TNFAIP8: variants seen among roughly 807,000 people sequenced by gnomAD.
The protein encoded by TNFAIP8 is TNF alpha induced protein 8.
Under a neutral mutation model 13.3 loss-of-function variants are expected in TNFAIP8, and 7 were observed. That is an observed-to-expected ratio of 0.52 (90% confidence interval 0.30 to 0.99). TNFAIP8 has a LOEUF of 0.99. Among genes scored for constraint, TNFAIP8 ranks in the 50% least tolerant of loss-of-function variants. The probability of loss-of-function intolerance (pLI) is 0.07; values close to 1 mark genes in which losing one functional copy is unlikely to be tolerated. For missense variants in TNFAIP8, 258 were observed against 236.9 expected (o/e 1.09, Z -0.58); for synonymous variants, 94 against 87.6 (o/e 1.07, Z -0.41).
At chr5:119,286,719 G>C (rs918167558) in intron 1 of TNFAIP8, among the ~76,000 whole-genome samples, 2 of 152,066 alleles carry the variant, frequency 1.3e-5, no homozygotes, top group South Asian at 4.1e-4. Flanking sequence ...GGCAATGTTT[G>C]TGGTGGCTCT....
At chr5:119,381,081 A>T (rs995468768) in intron 1 of TNFAIP8, among the ~76,000 whole-genome samples, 1 of 152,210 alleles carries the variant, frequency 6.6e-6, no homozygotes, top group Non-Finnish European at 1.5e-5. Context: ...GGTGCTTCCT[A>T]CAAATGCTGG....
chr5:119,376,121 G>GT (rs913108422), intron 1 of TNFAIP8, among the ~76,000 whole-genome samples: 4,043 of 145,052 alleles, frequency 0.028, 84 homozygotes, highest in African/African-American at 0.054. Flanking sequence ...TTTCTTTTTT[G>GT]TTTTTTTTTT....
intron 1 of TNFAIP8, among the ~76,000 whole-genome samples, chr5:119,314,196 AACAAAC>A (rs1166928494): frequency 6.6e-6 from 1 of 152,004 alleles, no homozygotes; most frequent in East Asian, 1.9e-4. Context: ...CAAACAAACA[AACAAAC>A]AAAAAAACCA....
At chr5:119,353,279 C>T (rs1399597926), upstream of TNFAIP8, among the ~76,000 whole-genome samples, 1 of 152,168 alleles carries the variant, frequency 6.6e-6, no homozygotes, top group Non-Finnish European at 1.5e-5. Context: ...AGTAAATTAT[C>T]CCCTTTTGAA....
intron 1 of TNFAIP8, among the ~76,000 whole-genome samples, chr5:119,367,072 C>T (rs1198274757): frequency 6.6e-6 from 1 of 152,164 alleles, no homozygotes; most frequent in Non-Finnish European, 1.5e-5. Flanking sequence ...GCCCACCCAG[C>T]CCTCAGGGTT....
At chr5:119,392,422 G>A (rs1330033966) in intron 1 of TNFAIP8, among the ~76,000 whole-genome samples, 3 of 151,690 alleles carry the variant, frequency 2.0e-5, no homozygotes, top group Non-Finnish European at 2.9e-5. Flanking sequence ...ACAGAGTCTC[G>A]CTGTGTCACC....
At position 119,356,252 on chromosome 5, in the gene TNFAIP8, G is replaced by A. The variant is rs192821433; in HGVS notation, c.31+131G>A. On this transcript the variant is annotated intron_variant, in intron 1 of 1. Transcript: ENST00000504771. ...TGTCCGCTTGCCCTGCGCCTTCGAA[G>A]CCAAGTCGGAGCTGGATAAGCGGAG... The A allele has an allele frequency of 6.0e-5, 47 of 783,852 alleles. No homozygotes were observed. The African/African-American group carries it at 8.3e-4, about 14-fold the overall frequency. The allele number at this position is 783,852 out of a possible 1,614,324, so 48.6% of individuals were successfully genotyped here. A position where few individuals can be genotyped will look rare whatever the true frequency, so the allele number is the denominator to read the frequency against.
chr5:119,372,234 G>A (rs770673923), intron 1 of TNFAIP8, among the ~76,000 whole-genome samples: 8 of 151,018 alleles, frequency 5.3e-5, no homozygotes, highest in Admixed American at 1.3e-4. Flanking sequence ...AGGCTGAGGT[G>A]GATCACCTAA....
chr5:119,384,689 T>C (rs1163490097), intron 1 of TNFAIP8, among the ~76,000 whole-genome samples: 1 of 152,118 alleles, frequency 6.6e-6, no homozygotes, highest in Non-Finnish European at 1.5e-5. Flanking sequence ...ATAACCTCTA[T>C]CCTAATATTT....
chr5:119,393,278 GTGAATTTTTGGCTGCCTTGTAT>G lies in TNFAIP8; in HGVS notation c.495_516del (p.Cys165Ter). On this transcript the variant is annotated frameshift_variant, in exon 2 of 2. Transcript: ENST00000504771. LOFTEE classifies it high-confidence loss of function. ...AATGTGTTTGATCATTTTTCAGATT[GTGAATTTTTGGCTGCCTTGTAT>G]AATCCTTTTGGGAATTTTAAACCCC... The G allele has an allele frequency of 6.2e-7, 1 of 1,613,984 alleles. No homozygotes were observed. The highest frequency in any genetic ancestry group is 8.5e-7 in the Non-Finnish European group (1 of 1,179,874).
rs10714712 is a variant in TNFAIP8 at position 119,364,841 on chromosome 5, G to GTTTTTTTT, written c.31+8741_31+8748dup. On this transcript the variant is annotated intron_variant, in intron 1 of 1. Coordinates refer to ENST00000504771, the MANE Select transcript of TNFAIP8 (RefSeq NM_014350.4). ...GGTTTTTTCCCCTTTTTTCTTTTCA[G>GTTTTTTTT]TTTTTTTTTTTTTTTTTTTTTTTTT... Among the ~76,000 whole-genome samples the GTTTTTTTT allele has an allele frequency of 9.7e-4, 86 of 88,684 alleles. 3 individuals carry two copies. Among genetic ancestry groups the GTTTTTTTT allele is most frequent in the African/African-American group, 3.6e-3 (78 of 21,490 alleles). 58.2% of individuals were successfully genotyped at this position (88,684 alleles called of 152,430 possible).
chr5:119,269,985 ATTCTTGCTACT>A lies in TNFAIP8; in HGVS notation c.1+1088_1+1098del, dbSNP rs556744533. Among the ~76,000 whole-genome samples, 21 of 152,322 alleles carry A rather than the reference ATTCTTGCTACT, an allele frequency of 1.4e-4. No individual in the cohort carries two copies. In the East Asian group the frequency reaches 3.7e-3, roughly 27 times the overall value. On this transcript the variant is annotated intron_variant, in intron 1 of 1. Transcript: ENST00000274456. ...CTCTCTGAGTTCTACATTTCAGTTT[ATTCTTGCTACT>A]TTCTTGCTATGAAAGTAAAATATTC...
chr5:119,355,825 G>A, upstream of TNFAIP8: 1 of 934,628 alleles, frequency 1.1e-6, no homozygotes, highest in Non-Finnish European at 1.3e-6. Flanking sequence ...CCGCCAGGTC[G>A]CCTCCGCCCG....
At chr5:119,362,022 C>G (rs531822188) in intron 1 of TNFAIP8, among the ~76,000 whole-genome samples, 53 of 152,306 alleles carry the variant, frequency 3.5e-4, no homozygotes, top group African/African-American at 1.3e-3. Flanking sequence ...TTCAGGGCAT[C>G]ACACACAGCA....
intron 1 of TNFAIP8, among the ~76,000 whole-genome samples, chr5:119,272,383 G>T (rs944242303): frequency 1.3e-5 from 2 of 152,232 alleles, no homozygotes; most frequent in Middle Eastern, 3.2e-3. Flanking sequence ...GAGAAGGCAG[G>T]TAACTTGCGT....
chr5:119,269,486 C>G (rs1409599713), intron 1 of TNFAIP8, among the ~76,000 whole-genome samples: 3 of 152,152 alleles, frequency 2.0e-5, no homozygotes, highest in East Asian at 1.9e-4. Flanking sequence ...ACATGTCGCA[C>G]TGGAGCCCTC....
At position 119,395,119 on chromosome 5, in the gene TNFAIP8, A is replaced by G. The variant is rs1431496526; in HGVS notation, c.*1738A>G. 1 of 152,190 alleles carries G rather than the reference A, an allele frequency of 6.6e-6. No homozygotes were observed. The highest frequency in any genetic ancestry group is 1.5e-5 in the Non-Finnish European group (1 of 68,034). 9.4% of individuals were successfully genotyped at this position (152,190 alleles called of 1,614,324 possible). ...GGTGTAGAGTTTCTTCCTGTTTGAT[A>G]TTAAATCCTGACACTAAGATTTGAA... On this transcript the variant is annotated 3_prime_UTR_variant, in exon 2 of 2. Transcript: ENST00000504771.
upstream of TNFAIP8, chr5:119,354,952 T>C (rs1253308751): frequency 5.6e-6 from 1 of 177,830 alleles, no homozygotes; most frequent in East Asian, 1.5e-4. Flanking sequence ...GATATGTTAT[T>C]TGAGGACTTT....
In TNFAIP8 at chr5:119,398,064, A is replaced by G. The variant is rs933835795; in HGVS notation, c.*4683A>G. 49 of 152,204 alleles carry G rather than the reference A, an allele frequency of 3.2e-4. No individual in the cohort carries two copies. The highest frequency in any genetic ancestry group is 1.1e-3 in the African/African-American group (47 of 41,450). 9.4% of individuals were successfully genotyped at this position (152,204 alleles called of 1,614,324 possible). ...AGAGAAAAACATCTGTGCTTTGGAA[A>G]ATGTTCTTCAAGGATAGAGAATTGT... On this transcript the variant is annotated 3_prime_UTR_variant, in exon 2 of 2. Coordinates refer to ENST00000504771, the MANE Select transcript of TNFAIP8 (RefSeq NM_014350.4).
Sources: gnomAD v4.1 joint callset for allele counts (sites outside exome capture counted in the v4.1 genomes callset) on GRCh38, gnomAD v4.1.1 for gene constraint, MANE v1.5 for transcripts, NCBI Gene and HGNC (gene_info 2026-07-23, HGNC 2026-07-21) for gene names.